The following ACTN1 variants were observed in gnomAD, a reference collection of about 807,000 sequenced individuals.
The protein encoded by ACTN1 is alpha-actinin-1.
In ACTN1, 30 loss-of-function variants were observed where a neutral mutation model predicts 119.6. The observed-to-expected ratio is 0.25, with a 90% CI of 0.19 to 0.34. The LOEUF (loss-of-function observed/expected upper bound fraction) is 0.34. Among genes scored for constraint, ACTN1 ranks in the 10% least tolerant of loss-of-function variants. ACTN1 has a pLI of 1.00. For missense variants in ACTN1, 764 were observed against 1,223.4 expected (o/e 0.62, Z 5.60); for synonymous variants, 429 against 472.6 (o/e 0.91, Z 1.20).
intron 1 of ACTN1, among the ~76,000 whole-genome samples, chr14:68,927,092 G>A (rs1412082055): frequency 6.6e-6 from 1 of 152,200 alleles, no homozygotes; most frequent in Non-Finnish European, 1.5e-5. Flanking sequence ...CTCCCATGAT[G>A]AAGAGAAACG....
Position 68,892,074 on chromosome 14 carries a change from G to C in ACTN1, c.1065C>G (p.Pro355=). The part of the protein sequence containing the change: ...LRLSNRPAFM[P]SEGRMVSDIN... ...TCACCGAGACCATCCTGCCCTCAGA[G>C]GGCATGAAGGCAGGCCGGTTGCTGA... The change falls in exon 10 of 22, where the codon CCC becomes CCG. Residue 355 remains proline (P), a synonymous_variant. Coordinates refer to ENST00000394419, the MANE Select transcript of ACTN1 (RefSeq NM_001130004.2). The C allele has an allele frequency of 1.2e-6, 2 of 1,613,840 alleles. No individual in the cohort carries two copies. Among genetic ancestry groups the C allele is most frequent in the South Asian group, 1.1e-5 (1 of 91,048 alleles).
In ACTN1 at chr14:68,879,080, G is replaced by C. The variant is rs111972819; in HGVS notation, c.2281-11C>G. On this transcript the variant is annotated splice_polypyrimidine_tract_variant and intron_variant, in intron 18 of 21. Coordinates refer to ENST00000394419, the MANE Select transcript of ACTN1 (RefSeq NM_001130004.2). The surrounding 1 kb of genome is among the most constrained non-coding windows in gnomAD (Gnocchi z 4.9). ...TGTGCCGGAGTGATCCTGGGGCCGCGGTGCGCCAGGCAGCGAGCCATGCGG... is the reference window on the plus strand; with the variant it reads ...TGTGCCGGAGTGATCCTGGGGCCGCCGTGCGCCAGGCAGCGAGCCATGCGG... 1 of 1,602,076 alleles carries C rather than the reference G, an allele frequency of 6.2e-7. No homozygotes were observed. Among genetic ancestry groups the C allele is most frequent in the East Asian group, 2.2e-5 (1 of 44,578 alleles).
chr14:68,901,458 G>T (rs1379906774), intron 8 of ACTN1, among the ~76,000 whole-genome samples: 2 of 152,102 alleles, frequency 1.3e-5, no homozygotes, highest in Non-Finnish European at 2.9e-5. Context: ...ATGTTGGCCA[G>T]GCTGGTCTCG....
rs546949888 is a variant in ACTN1, at chr14:68,880,544, C to T, written c.2133+266G>A. ...GCCTGAGCCAGTGTTTGGAGCCCACCAGCACCCAGAACCACCAGAAGTGCT... is the reference window on the plus strand; with the variant it reads ...GCCTGAGCCAGTGTTTGGAGCCCACTAGCACCCAGAACCACCAGAAGTGCT... On this transcript the variant is annotated intron_variant, in intron 17 of 21. Transcript: ENST00000394419. The surrounding 1 kb of genome is among the most constrained non-coding windows in gnomAD (Gnocchi z 4.6). Among the ~76,000 whole-genome samples, 105 of 152,304 alleles carry T rather than the reference C, an allele frequency of 6.9e-4. No homozygotes were observed. The highest frequency in any genetic ancestry group is 1.7e-3 in the South Asian group (8 of 4,828).
chr14:68,876,014 T>A (rs2030850820), intron 21 of ACTN1, among the ~76,000 whole-genome samples: 1 of 152,218 alleles, frequency 6.6e-6, no homozygotes, highest in Non-Finnish European at 1.5e-5. Flanking sequence ...AGGTTTTTTT[T>A]AAGACGGAGT....
chr14:68,952,688 C>A (rs1451971131), intron 1 of ACTN1, among the ~76,000 whole-genome samples: 1 of 150,852 alleles, frequency 6.6e-6, no homozygotes, highest in African/African-American at 2.4e-5. Context: ...TAGGGACTTT[C>A]CCCCACCCCC....
At chr14:68,903,753 T>C (rs1462533229) in intron 7 of ACTN1, among the ~76,000 whole-genome samples, 1 of 152,074 alleles carries the variant, frequency 6.6e-6, no homozygotes, top group Non-Finnish European at 1.5e-5. Flanking sequence ...AGCCTGGAGC[T>C]GCCAGCCCTG....
At chr14:68,888,171 C>T in intron 11 of ACTN1, 1 of 501,694 alleles carries the variant, frequency 2.0e-6, no homozygotes, top group Non-Finnish European at 3.7e-6. Flanking sequence ...TGGCCGCTGC[C>T]ACTCCTCACG....
At chr14:68,875,399 C>CT (rs1379540946) in intron 21 of ACTN1, among the ~76,000 whole-genome samples, 3 of 152,262 alleles carry the variant, frequency 2.0e-5, no homozygotes, top group African/African-American at 7.2e-5. Context: ...ACGCACTCAA[C>CT]TGAGCTCTCT....
intron 10 of ACTN1, 114 bp downstream of exon 10, chr14:68,891,939 A>G (rs1014620952): frequency 8.4e-6 from 11 of 1,302,580 alleles, no homozygotes; most frequent in Non-Finnish European, 1.1e-5. Context: ...GTATGTAGGT[A>G]GAAGCAAACA....
rs773076904 is a variant in ACTN1 at position 68,874,756 on chromosome 14, G to T, written c.*103C>A. ...GCCACGTGGGCCCCAGCTCACCCGG[G>T]TGGAGGCTGGGAGCTGAAACCGAAC... On this transcript the variant is annotated 3_prime_UTR_variant, in exon 22 of 22. Transcript: ENST00000394419. The T allele has an allele frequency of 2.5e-5, 31 of 1,255,196 alleles. No individual in the cohort carries two copies. The highest frequency in any genetic ancestry group is 3.2e-5 in the Non-Finnish European group (30 of 950,592). 77.8% of individuals were successfully genotyped at this position (1,255,196 alleles called of 1,614,324 possible).
intron 10 of ACTN1, among the ~76,000 whole-genome samples, chr14:68,891,397 A>T (rs1402288568): frequency 6.6e-6 from 1 of 152,236 alleles, no homozygotes; most frequent in Non-Finnish European, 1.5e-5. Flanking sequence ...GTTTTCCTAA[A>T]GCAGCTTATT....
chr14:68,902,083 T>G (rs2140237934), intron 8 of ACTN1, among the ~76,000 whole-genome samples: 1 of 152,334 alleles, frequency 6.6e-6, no homozygotes, highest in Middle Eastern at 3.4e-3. Flanking sequence ...GCATTGCCCT[T>G]CTAAGGGAGC....
In ACTN1 at chr14:68,923,889, C is replaced by G. The variant is rs150436737; in HGVS notation, c.220+1669G>C. The stretch of plus-strand genomic sequence containing the variant: ...AGGTGAATGAACAAAATGTGGGGAG[C>G]CATTTTATAGCTGTAGGTCATACAT... On this transcript the variant is annotated intron_variant, in intron 2 of 21. Coordinates refer to ENST00000394419, the MANE Select transcript of ACTN1 (RefSeq NM_001130004.2). Among the ~76,000 whole-genome samples the G allele has an allele frequency of 8.7e-3, 1,317 of 152,044 alleles. 26 individuals carry two copies. The highest frequency in any genetic ancestry group is 0.03 in the African/African-American group (1,257 of 41,466).
intron 3 of ACTN1, among the ~76,000 whole-genome samples, chr14:68,919,378 C>CT (rs745441480): frequency 3.3e-5 from 5 of 152,342 alleles, no homozygotes; most frequent in Admixed American, 2.6e-4. Flanking sequence ...CTGCACTAAC[C>CT]ACCTGGGTGA....
At chr14:68,921,742 T>C (rs1030017433) in intron 2 of ACTN1, among the ~76,000 whole-genome samples, 3 of 152,278 alleles carry the variant, frequency 2.0e-5, no homozygotes, top group African/African-American at 4.8e-5. Context: ...TCAAGTATTA[T>C]GGACTTCCCT....
chr14:68,912,670 C>G (rs1363915439), intron 3 of ACTN1, among the ~76,000 whole-genome samples: 1 of 152,150 alleles, frequency 6.6e-6, no homozygotes, highest in Non-Finnish European at 1.5e-5. Flanking sequence ...AGCTACCATG[C>G]CTGGCCTGGA....
rs1268659963 is a variant in ACTN1, at chr14:68,909,359, G to A, written c.553C>T (p.Arg185Ter). The A allele has an allele frequency of 1.9e-6, 3 of 1,613,916 alleles. No individual in the cohort carries two copies. The highest frequency in any genetic ancestry group is 2.5e-6 in the Non-Finnish European group (3 of 1,179,996). ...TAGTCAATCAGCTCGGGCCGGTGTC[G>A]GTGGATCAAAGCACAGAAGCCGAGG... ...DGLGFCALIH[R>*]HRPELIDYGK... is the part of the protein sequence containing the mutation. Residue 185 changes from arginine to a stop codon, truncating the protein, a stop_gained, in exon 6 of 22, where the codon CGA becomes TGA. Transcript: ENST00000394419. LOFTEE classifies it high-confidence loss of function. The surrounding 1 kb of genome is among the most constrained non-coding windows in gnomAD (Gnocchi z 4.1).
At chr14:68,931,437 C>T (rs576281997) in intron 1 of ACTN1, among the ~76,000 whole-genome samples, 9 of 152,310 alleles carry the variant, frequency 5.9e-5, no homozygotes, top group African/African-American at 2.2e-4. Flanking sequence ...AACTGGGGCT[C>T]TATGACCAGG....
Sources: gnomAD v4.1 joint callset for allele counts (sites outside exome capture counted in the v4.1 genomes callset) on GRCh38, gnomAD v4.1.1 for gene constraint, Gnocchi (gnomAD v3.1) non-coding constraint, MANE v1.5 for transcripts, NCBI Gene and HGNC (gene_info 2026-07-23, HGNC 2026-07-21) for gene names.